The following UBE2K variants were observed in gnomAD, a reference collection of about 807,000 sequenced individuals.
The protein encoded by UBE2K is ubiquitin conjugating enzyme E2 K, also known as ubiquitin-conjugating enzyme E2 K.
UBE2K carries 6 observed loss-of-function variants against 30.0 expected under a neutral mutation model. That is an observed-to-expected ratio of 0.20 (90% CI 0.11 to 0.39). The LOEUF (loss-of-function observed/expected upper bound fraction) is 0.39, where lower values mean the gene tolerates loss of function less well. UBE2K is among the 10% of genes least tolerant of loss of function. The pLI is 1.00. For synonymous variants in UBE2K, 86 were observed against 83.7 expected (o/e 1.03, Z -0.15); for missense variants, 61 against 241.6 (o/e 0.25, Z 4.96).
At chr4:39,748,634 A>G (rs1578473144) in intron 3 of UBE2K, among the ~76,000 whole-genome samples, 1 of 149,806 alleles carries the variant, frequency 6.7e-6, no homozygotes, top group Non-Finnish European at 1.5e-5. Flanking sequence ...AAAAAAAAAA[A>G]AGAAAAAGAA....
chr4:39,770,964 C>T, intron 4 of UBE2K: 1 of 1,593,722 alleles, frequency 6.3e-7, no homozygotes, highest in Non-Finnish European at 8.5e-7. Flanking sequence ...GCTTTGGGGT[C>T]CTGGCTGGAG....
intron 3 of UBE2K, among the ~76,000 whole-genome samples, chr4:39,748,012 G>C (rs1400491810): frequency 1.3e-5 from 2 of 151,934 alleles, no homozygotes; most frequent in East Asian, 3.9e-4. Context: ...ATGTTGGCCA[G>C]GCTGGTCTTG....
intron 2 of UBE2K, among the ~76,000 whole-genome samples, chr4:39,742,872 C>T (rs962213230): frequency 6.6e-6 from 1 of 152,060 alleles, no homozygotes; most frequent in Non-Finnish European, 1.5e-5. Context: ...ATGGTGAAAC[C>T]TCATCTCTAC....
At chr4:39,763,558 T>G (rs1712113888) in intron 4 of UBE2K, among the ~76,000 whole-genome samples, 1 of 151,910 alleles carries the variant, frequency 6.6e-6, no homozygotes, top group Non-Finnish European at 1.5e-5. Flanking sequence ...CCAAAACACT[T>G]AAAACAACCA....
chr4:39,709,485 A>G (rs1578418215), intron 1 of UBE2K, among the ~76,000 whole-genome samples: 1 of 152,218 alleles, frequency 6.6e-6, no homozygotes, highest in East Asian at 1.9e-4. Flanking sequence ...GTATAGTACA[A>G]TAAGGTATTT....
Position 39,763,221 on chromosome 4 carries a change from G to A in UBE2K, c.299+7482G>A, listed in dbSNP as rs997355603. ...GCCTCCCAAATTGCTGGGGTTAAAG[G>A]CATGAGCCACTGCATCCAGCCTTAA... On this transcript the variant is annotated intron_variant, in intron 4 of 6. Coordinates refer to ENST00000261427, the MANE Select transcript of UBE2K (RefSeq NM_005339.5). 2.0e-5 allele frequency among the ~76,000 whole-genome samples: 3 copies of A among 151,558 alleles called. No individual in the cohort carries two copies. In the South Asian group the frequency reaches 6.3e-4, roughly 32 times the overall value.
At chr4:39,706,187 A>G (rs941724241) in intron 1 of UBE2K, among the ~76,000 whole-genome samples, 5 of 148,066 alleles carry the variant, frequency 3.4e-5, no homozygotes, top group Non-Finnish European at 6.0e-5. Context: ...AATTTTTTGT[A>G]TTTTTTTTTT....
At chr4:39,700,778 G>A (rs185357218) in intron 1 of UBE2K, among the ~76,000 whole-genome samples, 20 of 152,230 alleles carry the variant, frequency 1.3e-4, no homozygotes, top group African/African-American at 4.3e-4. Context: ...ACTTTTTGGG[G>A]TGGCCTTATA....
intron 2 of UBE2K, among the ~76,000 whole-genome samples, chr4:39,742,974 A>G (rs1720783357): frequency 6.6e-6 from 1 of 151,600 alleles, no homozygotes; most frequent in South Asian, 2.1e-4. Context: ...GGAACCTGAA[A>G]GGTGGAGGTT....
chr4:39,757,960 A>G (rs1228804380), intron 4 of UBE2K, among the ~76,000 whole-genome samples: 2 of 152,174 alleles, frequency 1.3e-5, no homozygotes, highest in African/African-American at 4.8e-5. Flanking sequence ...TGATTTCATC[A>G]TAACTTCACC....
rs185074607 is a variant in UBE2K at position 39,779,468 on chromosome 4, A to G, written c.*1034A>G. The G allele has an allele frequency of 8.5e-4, 130 of 152,680 alleles. No homozygotes were observed. The highest frequency in any genetic ancestry group is 2.9e-3 in the African/African-American group (122 of 41,556). The allele number at this position is 152,680 out of a possible 1,614,324, so 9.5% of individuals were successfully genotyped here. On this transcript the variant is annotated 3_prime_UTR_variant, in exon 7 of 7. Transcript: ENST00000261427. ...AGTCATTCTTGCTTGCACTTCCCCT[A>G]TTGACACATGAAAGCTGTGTTGGTG... is the stretch of plus-strand genomic sequence containing the variant.
intron 1 of UBE2K, 49 bp downstream of exon 1, chr4:39,698,439 G>T (rs1422917602): frequency 6.4e-7 from 1 of 1,558,552 alleles, no homozygotes; most frequent in African/African-American, 1.4e-5. Context: ...GGGGCGGGAG[G>T]GTCCTCCCAG....
chr4:39,737,587 A>G, intron 2 of UBE2K, 74 bp downstream of exon 2: 1 of 953,260 alleles, frequency 1.0e-6, no homozygotes, highest in Non-Finnish European at 1.6e-6. Flanking sequence ...GAATAATCTT[A>G]AACATCTATA....
intron 1 of UBE2K, among the ~76,000 whole-genome samples, chr4:39,711,747 AAG>A (rs1240316664): frequency 6.6e-6 from 1 of 151,668 alleles, no homozygotes; most frequent in Non-Finnish European, 1.5e-5. Context: ...TTCCCACTAA[AAG>A]AGTTCTGCCC....
chr4:39,773,184 A>T (rs971378587), intron 4 of UBE2K, among the ~76,000 whole-genome samples: 12 of 152,042 alleles, frequency 7.9e-5, no homozygotes, highest in African/African-American at 2.4e-4. Context: ...TTTCTTGAAA[A>T]TATGGCCGGG....
intron 1 of UBE2K, among the ~76,000 whole-genome samples, chr4:39,722,519 T>C (rs1719480650): frequency 6.6e-6 from 1 of 152,206 alleles, no homozygotes; most frequent in Non-Finnish European, 1.5e-5. Context: ...TTCTTTGGCA[T>C]CCTGGAAATA....
chr4:39,725,784 A>G (rs1328348353), intron 1 of UBE2K, among the ~76,000 whole-genome samples: 1 of 152,100 alleles, frequency 6.6e-6, no homozygotes, highest in African/African-American at 2.4e-5. Flanking sequence ...CTGGGACTAC[A>G]GGTGCACACC....
chr4:39,710,042 C>G (rs1718582511), intron 1 of UBE2K: 1 of 151,744 alleles, frequency 6.6e-6, no homozygotes, highest in South Asian at 2.1e-4. Flanking sequence ...GGTGGGAGAA[C>G]TTTATTTCAT....
intron 4 of UBE2K, chr4:39,771,310 T>C (rs1299793887): frequency 6.8e-6 from 11 of 1,612,100 alleles, no homozygotes; most frequent in African/African-American, 2.7e-5. Flanking sequence ...GCCTCGAAAC[T>C]TGAGGCTGTC....
Sources: allele counts gnomAD v4.1 joint callset (sites outside exome capture counted in the v4.1 genomes callset), GRCh38; gene constraint gnomAD v4.1.1; transcripts MANE v1.5; gene names NCBI Gene and HGNC (gene_info 2026-07-23, HGNC 2026-07-21).